Variants in LEMD3 observed in about 807,000 individuals in gnomAD.
LEMD3 encodes LEM domain containing 3, also known as inner nuclear membrane protein Man1.
LEMD3 carries 33 observed loss-of-function variants against 95.2 expected under a neutral mutation model. The ratio of observed to expected loss-of-function variants is 0.35; its 90% CI spans 0.26 to 0.46. The LOEUF (loss-of-function observed/expected upper bound fraction) is 0.46. Ranked by LOEUF, LEMD3 falls within the 20% of genes least tolerant of loss-of-function variation. LEMD3 has a pLI of 1.00. For missense variants in LEMD3, 1,210 were observed against 1,192.8 expected (o/e 1.01, Z -0.21); for synonymous variants, 525 against 474.6 (o/e 1.11, Z -1.38).
intron 4 of LEMD3, among the ~76,000 whole-genome samples, chr12:65,223,644 A>G (rs1382501450): frequency 6.6e-6 from 1 of 151,976 alleles, no homozygotes; most frequent in Non-Finnish European, 1.5e-5. Context: ...TGTACACATG[A>G]TAAAATTGGA....
intron 1 of LEMD3, among the ~76,000 whole-genome samples, chr12:65,207,680 A>G (rs919650445): frequency 2.0e-5 from 3 of 152,130 alleles, no homozygotes; most frequent in Non-Finnish European, 4.4e-5. Flanking sequence ...GTGTTGATCC[A>G]AAGAAAGCGT....
At chr12:65,230,332 T>C (rs12297472) in intron 4 of LEMD3, among the ~76,000 whole-genome samples, 5,719 of 152,266 alleles carry the variant, frequency 0.038, 352 homozygotes, top group African/African-American at 0.13. Flanking sequence ...ATGTGAAGAA[T>C]GTCAGTGGTA....
intron 1 of LEMD3, among the ~76,000 whole-genome samples, chr12:65,180,893 A>G (rs1868880746): frequency 6.6e-6 from 1 of 152,196 alleles, no homozygotes; most frequent in Non-Finnish European, 1.5e-5. Context: ...TGACATGAAT[A>G]GAAAAAACCC....
rs1191962749 is a variant in LEMD3 at position 65,238,593 on chromosome 12, G to A, written c.1775+12G>A. On this transcript the variant is annotated intron_variant, in intron 5 of 12. Transcript: ENST00000308330. ...GATGTTGGAATAAGGTAAAGGATCTGATTTCCACTTTGACCATTCTGTACT... is the reference window on the plus strand; with the variant it reads ...GATGTTGGAATAAGGTAAAGGATCTAATTTCCACTTTGACCATTCTGTACT... 8 of 1,611,570 alleles carry A rather than the reference G, an allele frequency of 5.0e-6. No homozygotes were observed. Among genetic ancestry groups the A allele is most frequent in the African/African-American group, 1.3e-5 (1 of 74,876 alleles).
intron 1 of LEMD3, among the ~76,000 whole-genome samples, chr12:65,186,230 T>C (rs1479169324): frequency 6.6e-6 from 1 of 152,080 alleles, no homozygotes; most frequent in Non-Finnish European, 1.5e-5. Flanking sequence ...TTTTTTCTTT[T>C]ACATTTTGCC....
chr12:65,182,164 A>G (rs1180551730), intron 1 of LEMD3, among the ~76,000 whole-genome samples: 1 of 152,178 alleles, frequency 6.6e-6, no homozygotes, highest in Non-Finnish European at 1.5e-5. Context: ...TCACAGTATT[A>G]ACTACCAGGC....
At chr12:65,214,658 T>A (rs1320392376) in intron 2 of LEMD3, among the ~76,000 whole-genome samples, 1 of 152,190 alleles carries the variant, frequency 6.6e-6, no homozygotes, top group Non-Finnish European at 1.5e-5. Flanking sequence ...CATATAAATG[T>A]TACTTTTCCA....
rs1478048014 is a variant in LEMD3 at position 65,169,641 on chromosome 12, G to A, written c.45G>A (p.Glu15=). ...AASAPQQLSD[E]ELFSQLRRYG... ...CGGCGCCTCAGCAGCTCTCGGATGA[G>A]GAGCTTTTCTCTCAGCTCCGCCGTT... Residue 15 remains glutamate, a synonymous_variant, in exon 1 of 13, where the codon GAG becomes GAA. Transcript: ENST00000308330. 6 of 1,589,036 alleles carry A rather than the reference G, an allele frequency of 3.8e-6. No individual in the cohort carries two copies. The Admixed American group carries it at 9.0e-5, about 24-fold the overall frequency.
At chr12:65,221,265 T>C (rs1870279485) in intron 4 of LEMD3, among the ~76,000 whole-genome samples, 1 of 151,838 alleles carries the variant, frequency 6.6e-6, no homozygotes, top group Non-Finnish European at 1.5e-5. Context: ...ATCTTTCTAA[T>C]GCTATTATAA....
intron 1 of LEMD3, 62 bp from the exon 2 acceptor site, chr12:65,210,864 T>A (rs2136335783): frequency 8.1e-7 from 1 of 1,239,024 alleles, no homozygotes. Context: ...TCAGAGAGTT[T>A]GTTTGGGGGA....
chr12:65,179,746 G>A (rs1430622621), intron 1 of LEMD3, among the ~76,000 whole-genome samples: 1 of 152,058 alleles, frequency 6.6e-6, no homozygotes, highest in Admixed American at 6.6e-5. Context: ...TGCACATCCT[G>A]CACATGTATC....
chr12:65,231,257 C>T (rs764478951), intron 4 of LEMD3, among the ~76,000 whole-genome samples: 3 of 152,032 alleles, frequency 2.0e-5, no homozygotes, highest in Non-Finnish European at 2.9e-5. Context: ...CCACCATAGA[C>T]GCAGTTTGTA....
At chr12:65,220,357 T>C (rs1029298250) in intron 4 of LEMD3, among the ~76,000 whole-genome samples, 1 of 152,234 alleles carries the variant, frequency 6.6e-6, no homozygotes, top group Admixed American at 6.5e-5. Flanking sequence ...CTGTTGGCCA[T>C]TTGTATATCT....
intron 3 of LEMD3, among the ~76,000 whole-genome samples, chr12:65,217,420 T>A (rs940076739): frequency 1.3e-5 from 2 of 152,242 alleles, no homozygotes; most frequent in Admixed American, 6.5e-5. Context: ...CTTTCAAGAC[T>A]TGTTCATCTG....
At position 65,214,230 on chromosome 12, in the gene LEMD3, C is replaced by G. The variant is rs976863320; in HGVS notation, c.1561-1747C>G. Among the ~76,000 whole-genome samples the G allele has an allele frequency of 9.9e-5, 15 of 152,032 alleles. 1 individual carries two copies. The highest frequency in any genetic ancestry group is 2.4e-5 in the African/African-American group (1 of 41,408). On this transcript the variant is annotated intron_variant, in intron 2 of 12. Coordinates refer to ENST00000308330, the MANE Select transcript of LEMD3 (RefSeq NM_014319.5). ...CAGGTGCATGCCACCACGCTCAGCT[C>G]ATGTTCCACCCTCCTCGGCCTCCCA...
rs775048974 is a variant in LEMD3 at position 65,170,111 on chromosome 12, C to T, written c.515C>T (p.Ala172Val). The change falls in exon 1 of 13, where the codon GCG (alanine) becomes GTG (valine). Residue 172 changes from alanine to valine, a missense_variant. By Grantham distance (64) the Ala-to-Val change is moderately conservative. Around this residue, in one of 2 missense-constraint regions of LEMD3, gnomAD observed 749 missense variants for 622.9 expected, o/e 1.20. Transcript: ENST00000308330. ...RASLQYRGLK[A>V]PPAPLAASEV... is the part of the protein sequence containing the mutation. The stretch of plus-strand genomic sequence containing the variant: ...TCGCTCCAGTACCGCGGGCTCAAAG[C>T]GCCGCCGGCGCCCCTGGCCGCCAGC... The T allele has an allele frequency of 9.6e-6, 14 of 1,457,152 alleles. No individual in the cohort carries two copies. The East Asian group carries it at 3.5e-4, about 36-fold the overall frequency. The allele number at this position is 1,457,152 out of a possible 1,614,324, so 90.3% of individuals were successfully genotyped here.
At chr12:65,214,140 C>A (rs531926875) in intron 2 of LEMD3, among the ~76,000 whole-genome samples, 24 of 152,224 alleles carry the variant, frequency 1.6e-4, no homozygotes, top group South Asian at 1.2e-3. Context: ...CCTCCGCTCA[C>A]TGCAACCTCC....
Position 65,240,153 on chromosome 12 carries a change from A to G in LEMD3, c.2041A>G (p.Asn681Asp). The G allele has an allele frequency of 6.2e-7, 1 of 1,613,346 alleles. No homozygotes were observed. Among genetic ancestry groups the G allele is most frequent in the Non-Finnish European group, 8.5e-7 (1 of 1,179,360 alleles). Reference sequence around the variant, plus strand: ...ATTTTTAGATGTTTTACGAAGTCATAATGAAGCCTGCCAGGAAAACAAAGA... The same window carrying G: ...ATTTTTAGATGTTTTACGAAGTCATGATGAAGCCTGCCAGGAAAACAAAGA... Reference protein sequence around the residue: ...VKIIDVLRSHNEACQENKDLQ... With the variant: ...VKIIDVLRSHDEACQENKDLQ... Residue 681 changes from asparagine (N) to aspartate (D), a missense_variant, in exon 8 of 13, where the codon AAT becomes GAT. Coordinates refer to ENST00000308330, the MANE Select transcript of LEMD3 (RefSeq NM_014319.5).
At chr12:65,246,141 A>G (rs1312693728) in intron 12 of LEMD3, 21 bp from the exon 13 acceptor site, 6 of 1,572,902 alleles carry the variant, frequency 3.8e-6, no homozygotes, top group Non-Finnish European at 5.2e-6. Flanking sequence ...GATCTAAAAT[A>G]TTATTTTTAT....
Sources: allele counts gnomAD v4.1 joint callset (sites outside exome capture counted in the v4.1 genomes callset), GRCh38; gene constraint gnomAD v4.1.1; regional missense constraint gnomAD v4.1.1; transcripts MANE v1.5; gene names NCBI Gene and HGNC (gene_info 2026-07-23, HGNC 2026-07-21).